MYT1L: variants seen among roughly 807,000 people sequenced by gnomAD.
MYT1L encodes myelin transcription factor 1 like, also known as myelin transcription factor 1-like protein.
In MYT1L, 12 loss-of-function variants were observed where a neutral mutation model predicts 126.7. The ratio of observed to expected loss-of-function variants is 0.09; its 90% CI spans 0.06 to 0.15. The LOEUF is 0.15. Among genes scored for constraint, MYT1L ranks in the 10% least tolerant of loss-of-function variants. MYT1L has a pLI of 1.00. For missense variants in MYT1L, 979 were observed against 1,585.2 expected, an observed-to-expected ratio of 0.62 and a Z score of 6.49; for synonymous variants, 541 against 604.2, an observed-to-expected ratio of 0.90 and a Z score of 1.53.
At chr2:1,795,086 A>T (rs993897737) in intron 23 of MYT1L, among the ~76,000 whole-genome samples, 2 of 152,188 alleles carry the variant, frequency 1.3e-5, no homozygotes, top group Non-Finnish European at 2.9e-5. Context: ...GGCTTCTTGC[A>T]CGTGGACACA....
intron 1 of MYT1L, among the ~76,000 whole-genome samples, chr2:2,288,001 CT>C (rs1303959493): frequency 6.6e-6 from 1 of 152,182 alleles, no homozygotes; most frequent in Non-Finnish European, 1.5e-5. Context: ...TACTCACCCC[CT>C]TTTTTGGCTT....
chr2:2,321,623 A>G (rs1232144217), intron 1 of MYT1L, among the ~76,000 whole-genome samples: 1 of 152,162 alleles, frequency 6.6e-6, no homozygotes, highest in African/African-American at 2.4e-5. Flanking sequence ...CTATGCATTT[A>G]GGTTGAGATA....
chr2:1,862,080 CTT>C (rs142211685), intron 18 of MYT1L, among the ~76,000 whole-genome samples: 33 of 152,314 alleles, frequency 2.2e-4, no homozygotes, highest in Non-Finnish European at 4.3e-4. Context: ...CCCCTATCCT[CTT>C]GTTTATAAGT....
At chr2:1,975,177 A>T (rs989967730) in intron 8 of MYT1L, among the ~76,000 whole-genome samples, 3 of 150,308 alleles carry the variant, frequency 2.0e-5, no homozygotes, top group Admixed American at 2.0e-4. Flanking sequence ...ACACTAAAAA[A>T]AAAATCCACT....
In MYT1L at chr2:1,912,302, C is replaced by G. The variant is rs149948623; in HGVS notation, c.1619-192G>C. Among the ~76,000 whole-genome samples, 9 of 152,066 alleles carry G rather than the reference C, an allele frequency of 5.9e-5. No homozygotes were observed. Among genetic ancestry groups the G allele is most frequent in the Non-Finnish European group, 8.8e-5 (6 of 68,020 alleles). ...TTGACTGGACCCTACGGACCCTACA[C>G]GAAAGGCCAGAGAAAGAAGGTTGAC... is the stretch of plus-strand genomic sequence containing the variant. On this transcript the variant is annotated intron_variant, in intron 11 of 24. Coordinates refer to ENST00000647738, the MANE Select transcript of MYT1L (RefSeq NM_001303052.2). This position sits in a 1 kb window ranked among gnomAD's most constrained non-coding sequence, Gnocchi z 4.3.
At chr2:1,953,758 T>C (rs2058093681) in intron 8 of MYT1L, among the ~76,000 whole-genome samples, 1 of 152,256 alleles carries the variant, frequency 6.6e-6, no homozygotes, top group Non-Finnish European at 1.5e-5. Context: ...GGTGTGTTTC[T>C]ATCAGCATCT....
chr2:2,253,946 C>CATA (rs1207107593), intron 2 of MYT1L, among the ~76,000 whole-genome samples: 1 of 152,142 alleles, frequency 6.6e-6, no homozygotes, highest in Non-Finnish European at 1.5e-5. Context: ...GAAAAGATTA[C>CATA]ATAGTTTGGG....
intron 8 of MYT1L, among the ~76,000 whole-genome samples, chr2:1,968,436 A>T (rs1189167191): frequency 6.6e-6 from 1 of 152,132 alleles, no homozygotes; most frequent in Non-Finnish European, 1.5e-5. Flanking sequence ...TCCTCCCTAG[A>T]GTTTCAGGAA....
At chr2:2,279,471 T>G (rs1573098064) in intron 2 of MYT1L, among the ~76,000 whole-genome samples, 2 of 138,442 alleles carry the variant, frequency 1.4e-5, no homozygotes, top group African/African-American at 2.7e-5. Context: ...AAAAGAGAGG[T>G]GGAGTCCAGG....
intron 2 of MYT1L, among the ~76,000 whole-genome samples, chr2:2,209,546 A>C (rs1355489115): frequency 6.6e-6 from 1 of 152,190 alleles, no homozygotes; most frequent in Non-Finnish European, 1.5e-5. Context: ...AATAACCTCC[A>C]GTTCTAACCA....
chr2:2,127,221 T>C (rs1485506000), intron 3 of MYT1L, among the ~76,000 whole-genome samples: 2 of 152,210 alleles, frequency 1.3e-5, no homozygotes, highest in African/African-American at 4.8e-5. Flanking sequence ...TTATTTTTCT[T>C]CATCTTCTCC....
intron 21 of MYT1L, among the ~76,000 whole-genome samples, chr2:1,814,040 A>G (rs1195038374): frequency 1.3e-5 from 2 of 149,218 alleles, no homozygotes; most frequent in African/African-American, 5.0e-5. Flanking sequence ...AAAAAAAAAA[A>G]AAAGAAAGAA....
intron 18 of MYT1L, among the ~76,000 whole-genome samples, chr2:1,860,060 G>T (rs1439872193): frequency 6.6e-6 from 1 of 152,258 alleles, no homozygotes; most frequent in African/African-American, 2.4e-5. Context: ...CCTCTGTGTT[G>T]ATCATGCTGC....
intron 9 of MYT1L, among the ~76,000 whole-genome samples, chr2:1,930,443 TTCTC>T (rs1250293034): frequency 6.6e-6 from 1 of 152,206 alleles, no homozygotes; most frequent in East Asian, 1.9e-4. Flanking sequence ...CCTTTTTTCT[TTCTC>T]TTCTAAACCA....
At chr2:1,985,500 A>C (rs2060944162) in intron 5 of MYT1L, among the ~76,000 whole-genome samples, 1 of 152,090 alleles carries the variant, frequency 6.6e-6, no homozygotes, top group African/African-American at 2.4e-5. Context: ...CTCAATTCTG[A>C]CTCCAGCAAG....
chr2:1,934,188 A>G (rs905083602), intron 9 of MYT1L, among the ~76,000 whole-genome samples: 14 of 151,044 alleles, frequency 9.3e-5, no homozygotes, highest in Admixed American at 2.6e-4. Context: ...GTTAGCCAGG[A>G]TGGTCTCGAT....
intron 3 of MYT1L, among the ~76,000 whole-genome samples, chr2:2,167,053 GGCGAGGC>G (rs2089258612): frequency 6.6e-6 from 1 of 152,108 alleles, no homozygotes; most frequent in Non-Finnish European, 1.5e-5. Flanking sequence ...CGTCTTTTAT[GGCGAGGC>G]AAGTGTGTCT....
chr2:2,284,388 A>G lies in MYT1L; in HGVS notation c.-421+16T>C, dbSNP rs1317029521. 1 of 152,264 alleles carries G rather than the reference A, an allele frequency of 6.6e-6. No homozygotes were observed. The highest frequency in any genetic ancestry group is 1.5e-5 in the Non-Finnish European group (1 of 68,076). 9.4% of individuals were successfully genotyped at this position (152,264 alleles called of 1,614,324 possible). On this transcript the variant is annotated intron_variant, in intron 2 of 24. Coordinates refer to ENST00000647738, the MANE Select transcript of MYT1L (RefSeq NM_001303052.2). ...ATTCCTAATACAACGGTAAGGTCCCATTGCAATTCACATACCACACGCTGT... is the reference window on the plus strand; with the variant it reads ...ATTCCTAATACAACGGTAAGGTCCCGTTGCAATTCACATACCACACGCTGT...
chr2:1,918,151 G>C (rs1176276602), intron 10 of MYT1L, among the ~76,000 whole-genome samples: 1 of 152,010 alleles, frequency 6.6e-6, no homozygotes, highest in Middle Eastern at 3.2e-3. Flanking sequence ...GGCAAATTAG[G>C]GCAGAGCTTC....
Sources: allele counts gnomAD v4.1 joint callset (sites outside exome capture counted in the v4.1 genomes callset), GRCh38; gene constraint gnomAD v4.1.1; non-coding constraint Gnocchi (gnomAD v3.1); transcripts MANE v1.5; gene names NCBI Gene and HGNC (gene_info 2026-07-23, HGNC 2026-07-21).